Variants in NAALADL2 observed in about 807,000 individuals in gnomAD.
NAALADL2 encodes inactive N-acetylated-alpha-linked acidic dipeptidase-like protein 2.
NAALADL2 carries 76 observed loss-of-function variants against 87.2 expected under a neutral mutation model. That is an observed-to-expected ratio of 0.87 (90% CI 0.72 to 1.05). The LOEUF is 1.05. Ranked by LOEUF, NAALADL2 falls within the 50% of genes least tolerant of loss-of-function variation. The pLI is 0.00. For missense variants in NAALADL2, 1,089 were observed against 945.8 expected (o/e 1.15, Z -1.99); for synonymous variants, 354 against 331.0 (o/e 1.07, Z -0.75).
chr3:174,492,894 T>C (rs1414796175), intron 1 of NAALADL2, among the ~76,000 whole-genome samples: 1 of 152,206 alleles, frequency 6.6e-6, no homozygotes, highest in Admixed American at 6.5e-5. Context: ...ATTCAAAGGT[T>C]AATGCCTGAG....
At chr3:175,123,810 G>C (rs994802145) in intron 2 of NAALADL2, among the ~76,000 whole-genome samples, 1 of 151,912 alleles carries the variant, frequency 6.6e-6, no homozygotes, top group Non-Finnish European at 1.5e-5. Context: ...TGCTCTGACA[G>C]TATATTAGCA....
intron 5 of NAALADL2, chr3:175,369,440 A>G (rs1045865115): frequency 1.7e-4 from 25 of 149,216 alleles, no homozygotes; most frequent in African/African-American, 5.6e-4. Context: ...GTGTGTACAT[A>G]TACATGTTAC....
At chr3:175,043,758 C>T (rs9859102) in intron 1 of NAALADL2, among the ~76,000 whole-genome samples, 31,939 of 152,044 alleles carry the variant, frequency 0.21, 3,528 homozygotes, top group East Asian at 0.37. Context: ...ATGTCAGTAC[C>T]ATACTGTTTC....
chr3:175,069,954 T>C (rs1219102006), intron 1 of NAALADL2, among the ~76,000 whole-genome samples: 2 of 147,110 alleles, frequency 1.4e-5, no homozygotes, highest in East Asian at 2.0e-4. Flanking sequence ...TAGGTGAGAA[T>C]TGAACAATGA....
chr3:175,268,353 C>G (rs914059523), intron 4 of NAALADL2, among the ~76,000 whole-genome samples: 3 of 151,890 alleles, frequency 2.0e-5, no homozygotes, highest in Non-Finnish European at 4.4e-5. Flanking sequence ...AACTGGTATA[C>G]CTGTATAGGG....
intron 9 of NAALADL2, among the ~76,000 whole-genome samples, chr3:175,562,615 T>C (rs1383359141): frequency 6.6e-6 from 1 of 151,918 alleles, no homozygotes; most frequent in Non-Finnish European, 1.5e-5. Context: ...TCTGTAATTA[T>C]GTAGTGTTAG....
Position 175,092,528 on chromosome 3 carries a change from A to C in NAALADL2, c.44-4262A>C, listed in dbSNP as rs562365965. Among the ~76,000 whole-genome samples, 6 of 145,418 alleles carry C rather than the reference A, an allele frequency of 4.1e-5. No homozygotes were observed. In the East Asian group the frequency reaches 1.3e-3, roughly 32 times the overall value. On this transcript the variant is annotated intron_variant, in intron 1 of 13. Coordinates refer to ENST00000454872, the MANE Select transcript of NAALADL2 (RefSeq NM_207015.3). ...TAGGCTAGGTCTGCAGCAACCAGAG[A>C]TTATATTTTACATATTAAATTTTCA...
At chr3:174,886,501 A>G (rs1458395369) in intron 1 of NAALADL2, among the ~76,000 whole-genome samples, 1 of 152,072 alleles carries the variant, frequency 6.6e-6, no homozygotes, top group African/African-American at 2.4e-5. Flanking sequence ...TCAAGTTGAC[A>G]CTCAGTATTA....
intron 13 of NAALADL2, among the ~76,000 whole-genome samples, chr3:175,796,831 A>AAT (rs1400413328): frequency 6.6e-6 from 1 of 152,186 alleles, no homozygotes; most frequent in Non-Finnish European, 1.5e-5. Context: ...CCCATTTATG[A>AAT]ATATAAGAAG....
At chr3:174,781,156 T>G (rs1431422058) in intron 3 of NAALADL2, among the ~76,000 whole-genome samples, 1 of 152,106 alleles carries the variant, frequency 6.6e-6, no homozygotes. Context: ...CCGCTGTTAG[T>G]CTTACGGCTT....
chr3:175,567,475 T>G (rs549701270), intron 9 of NAALADL2, among the ~76,000 whole-genome samples: 2 of 152,098 alleles, frequency 1.3e-5, no homozygotes, highest in East Asian at 3.9e-4. Context: ...TAAAAGAACA[T>G]TTTTCTATAC....
chr3:174,979,077 G>A (rs991997462), intron 1 of NAALADL2, among the ~76,000 whole-genome samples: 17 of 151,980 alleles, frequency 1.1e-4, no homozygotes, highest in Non-Finnish European at 4.4e-5. Flanking sequence ...TAAAAGAAAA[G>A]GAAAGCTTTA....
chr3:175,723,917 C>G (rs1029521105), intron 11 of NAALADL2, among the ~76,000 whole-genome samples: 1 of 152,032 alleles, frequency 6.6e-6, no homozygotes, highest in African/African-American at 2.4e-5. Context: ...GAACTGTCCC[C>G]CAAGAACTGT....
chr3:175,346,428 C>T (rs879052919), intron 5 of NAALADL2, among the ~76,000 whole-genome samples: 2 of 152,156 alleles, frequency 1.3e-5, no homozygotes, highest in Admixed American at 1.3e-4. Context: ...CCTCAATGAG[C>T]GCACCAAAAA....
chr3:174,743,173 T>G (rs1011694689), intron 3 of NAALADL2, among the ~76,000 whole-genome samples: 1 of 151,780 alleles, frequency 6.6e-6, no homozygotes, highest in Admixed American at 6.6e-5. Flanking sequence ...TGTTTAGACT[T>G]GTTGGAATTA....
rs972156320 is a variant in NAALADL2 at position 175,665,935 on chromosome 3, CA to C, written c.1896+38557del. On this transcript the variant is annotated intron_variant, in intron 11 of 13. Coordinates refer to ENST00000454872, the MANE Select transcript of NAALADL2 (RefSeq NM_207015.3). ...ACAGAGTGGGACTCTGTCCCCCCCC[CA>C]AAAAAAAGGTTTTATTATATTATCC... is the stretch of plus-strand genomic sequence containing the variant. Among the ~76,000 whole-genome samples the C allele has an allele frequency of 6.6e-5, 10 of 151,094 alleles. No individual in the cohort carries two copies. The South Asian group carries it at 8.3e-4, about 13-fold the overall frequency.
rs560720098 is a variant in NAALADL2, at chr3:175,091,452, C to T, written c.44-5338C>T. 5.3e-5 allele frequency among the ~76,000 whole-genome samples: 8 copies of T among 152,102 alleles called. No homozygotes were observed. In the South Asian group the frequency reaches 1.7e-3, roughly 32 times the overall value. On this transcript the variant is annotated intron_variant, in intron 1 of 13. Coordinates refer to ENST00000454872, the MANE Select transcript of NAALADL2 (RefSeq NM_207015.3). ...CATAGGAAATTGAGATTCTGCCTTA[C>T]GTTTTAAAGCTAATCTGCTACAGTC... is the stretch of plus-strand genomic sequence containing the variant.
intron 11 of NAALADL2, among the ~76,000 whole-genome samples, chr3:175,703,521 T>C (rs1351889854): frequency 6.6e-6 from 1 of 152,126 alleles, no homozygotes; most frequent in Non-Finnish European, 1.5e-5. Flanking sequence ...GGCGGGCGGA[T>C]CACCTGAGGT....
intron 1 of NAALADL2, among the ~76,000 whole-genome samples, chr3:174,898,009 AGGCTGAGGCAGGAGAAT>A (rs1484462968): frequency 7.6e-6 from 1 of 132,066 alleles, no homozygotes. Flanking sequence ...GCTACTTGGG[AGGCTGAGGCAGGAGAAT>A]GGCGTGAACC....
Sources: allele counts gnomAD v4.1 joint callset (sites outside exome capture counted in the v4.1 genomes callset), GRCh38; gene constraint gnomAD v4.1.1; transcripts MANE v1.5; gene names NCBI Gene and HGNC (gene_info 2026-07-23, HGNC 2026-07-21).